The following LARGE1 variants were observed in gnomAD, a reference collection of about 807,000 sequenced individuals.
LARGE1 encodes xylosyl- and glucuronyltransferase LARGE1.
Under a neutral mutation model 87.6 loss-of-function variants are expected in LARGE1, and 43 were observed. The ratio of observed to expected loss-of-function variants is 0.49; its 90% CI spans 0.38 to 0.63. The LOEUF is 0.63. Among genes scored for constraint, LARGE1 ranks in the 30% least tolerant of loss-of-function variants. LARGE1 has a pLI of 0.00. For synonymous variants in LARGE1, 434 were observed against 394.6 expected (o/e 1.10, Z -1.18); for missense variants, 802 against 1,000.2 (o/e 0.80, Z 2.67).
At chr22:33,424,162 A>T (rs2066792362) in intron 7 of LARGE1, among the ~76,000 whole-genome samples, 2 of 152,188 alleles carry the variant, frequency 1.3e-5, no homozygotes. Flanking sequence ...ATTGAGATTC[A>T]CTTTCTCTGG....
At chr22:33,639,340 AC>A (rs1240206133) in intron 3 of LARGE1, among the ~76,000 whole-genome samples, 1 of 152,136 alleles carries the variant, frequency 6.6e-6, no homozygotes, top group Admixed American at 6.5e-5. Context: ...TACCAGAACC[AC>A]TCAGCTAAGT....
intron 1 of LARGE1, among the ~76,000 whole-genome samples, chr22:33,800,345 T>C (rs62225450): frequency 1.5e-4 from 23 of 152,214 alleles, no homozygotes; most frequent in Non-Finnish European, 3.1e-4. Context: ...ATCAAAATCA[T>C]GAAAGTAACA....
intron 1 of LARGE1, among the ~76,000 whole-genome samples, chr22:33,886,656 C>CAA (rs869173776): frequency 0.066 from 2,255 of 34,148 alleles, 332 homozygotes; most frequent in Middle Eastern, 0.12. Context: ...GAGATTCTGC[C>CAA]AAAAAAAAAA....
intron 1 of LARGE1, among the ~76,000 whole-genome samples, chr22:33,822,864 C>T (rs2062680205): frequency 6.6e-6 from 1 of 152,148 alleles, no homozygotes; most frequent in African/African-American, 2.4e-5. Flanking sequence ...ATGTAACTTG[C>T]TTTGGCCAAT....
chr22:33,109,842 G>A, the LARGE1 span, among the ~76,000 whole-genome samples: 2 of 152,092 alleles, frequency 1.3e-5, no homozygotes, highest in African/African-American at 2.4e-5. Context: ...TCCCGCTCTT[G>A]CCATGTGACA....
At chr22:33,857,466 G>A (rs2063787807) in intron 1 of LARGE1, among the ~76,000 whole-genome samples, 1 of 152,250 alleles carries the variant, frequency 6.6e-6, no homozygotes, top group Non-Finnish European at 1.5e-5. Context: ...TTCACTTGCA[G>A]TAAGTTTTCA....
Position 33,897,373 on chromosome 22 carries a change from C to A in LARGE1, c.-83+22622G>T, listed in dbSNP as rs372568376. ...ATTGGTGGTCTACAAAGATAAAAGTCCCAGGGATCCATTATTATTTCAGGC... is the reference window on the plus strand; with the variant it reads ...ATTGGTGGTCTACAAAGATAAAAGTACCAGGGATCCATTATTATTTCAGGC... On this transcript the variant is annotated intron_variant, in intron 1 of 14. Coordinates refer to ENST00000397394, the MANE Select transcript of LARGE1 (RefSeq NM_133642.5). Among the ~76,000 whole-genome samples the A allele has an allele frequency of 9.9e-5, 15 of 152,280 alleles. No individual in the cohort carries two copies. In the East Asian group the frequency reaches 1.4e-3, roughly 14 times the overall value.
At chr22:33,240,464 G>T (rs1279249029) in intron 11 of LARGE1, among the ~76,000 whole-genome samples, 6 of 152,054 alleles carry the variant, frequency 3.9e-5, no homozygotes, top group Admixed American at 3.9e-4. Context: ...TTGACTTGGT[G>T]CCTTGGCCAA....
intron 7 of LARGE1, among the ~76,000 whole-genome samples, chr22:33,412,165 T>A (rs891409480): frequency 1.3e-5 from 2 of 152,084 alleles, no homozygotes; most frequent in African/African-American, 4.8e-5. Context: ...GCGCTTGTAG[T>A]CCCAGCTACT....
the LARGE1 span, among the ~76,000 whole-genome samples, chr22:33,071,586 A>G: frequency 6.6e-6 from 1 of 152,212 alleles, no homozygotes; most frequent in East Asian, 1.9e-4. Flanking sequence ...ATTGTACTAC[A>G]CATTGAGGCT....
intron 4 of LARGE1, among the ~76,000 whole-genome samples, chr22:33,616,975 T>G (rs1019889361): frequency 6.6e-6 from 1 of 152,242 alleles, no homozygotes. Flanking sequence ...TACTTATTCA[T>G]CTCAGAGGAA....
chr22:33,529,364 C>T (rs1286382164), intron 6 of LARGE1, among the ~76,000 whole-genome samples: 1 of 152,140 alleles, frequency 6.6e-6, no homozygotes, highest in Non-Finnish European at 1.5e-5. Flanking sequence ...TGCTACAGCT[C>T]GAATTACCTT....
chr22:33,658,065 G>A (rs16992740), intron 2 of LARGE1, among the ~76,000 whole-genome samples: 3,126 of 152,170 alleles, frequency 0.021, 114 homozygotes, highest in African/African-American at 0.071. Flanking sequence ...GCACCGAACC[G>A]GAATGTCTCC....
chr22:33,452,862 A>G (rs899387942), intron 6 of LARGE1, among the ~76,000 whole-genome samples: 1 of 151,374 alleles, frequency 6.6e-6, no homozygotes, highest in African/African-American at 2.5e-5. Flanking sequence ...TATAGCTTAC[A>G]ACATGCTCAT....
intron 11 of LARGE1, among the ~76,000 whole-genome samples, chr22:33,205,594 G>A (rs923692363): frequency 6.6e-6 from 1 of 152,130 alleles, no homozygotes; most frequent in Non-Finnish European, 1.5e-5. Flanking sequence ...TTTCACTAAA[G>A]GAGAATTTAT....
chr22:33,097,208 G>A, the LARGE1 span, among the ~76,000 whole-genome samples: 10 of 152,210 alleles, frequency 6.6e-5, no homozygotes, highest in Non-Finnish European at 1.2e-4. Flanking sequence ...TAAGCCTTGG[G>A]CACATCTACA....
intron 3 of LARGE1, among the ~76,000 whole-genome samples, chr22:33,635,450 G>A (rs574704061): frequency 9.2e-5 from 14 of 152,234 alleles, no homozygotes; most frequent in African/African-American, 3.1e-4. Flanking sequence ...GTCCTTACTG[G>A]AGTCAAAAGG....
chr22:33,401,840 C>T (rs2065935462), intron 7 of LARGE1, among the ~76,000 whole-genome samples: 1 of 152,204 alleles, frequency 6.6e-6, no homozygotes, highest in African/African-American at 2.4e-5. Context: ...GCCACCCAGT[C>T]TGTGGTATTT....
At chr22:33,806,553 GT>G (rs1569453743) in intron 1 of LARGE1, among the ~76,000 whole-genome samples, 4 of 152,172 alleles carry the variant, frequency 2.6e-5, no homozygotes, top group Non-Finnish European at 5.9e-5. Context: ...TACCTGCAAT[GT>G]GACATCTCCT....
Sources: allele counts gnomAD v4.1 joint callset (sites outside exome capture counted in the v4.1 genomes callset), GRCh38; gene constraint gnomAD v4.1.1; transcripts MANE v1.5; gene names NCBI Gene and HGNC (gene_info 2026-07-23, HGNC 2026-07-21).